The following PCNT variants were observed in gnomAD, a reference collection of about 807,000 sequenced individuals.
PCNT encodes kendrin.
In PCNT, 319 loss-of-function variants were observed where a neutral mutation model predicts 380.4. That is an observed-to-expected ratio of 0.84 (90% CI 0.77 to 0.92). PCNT has a LOEUF of 0.92. Among genes scored for constraint, PCNT ranks in the 40% least tolerant of loss-of-function variants. PCNT has a pLI of 0.00. For missense variants in PCNT, 4,400 were observed against 4,255.3 expected, an observed-to-expected ratio of 1.03 and a Z score of -0.95; for synonymous variants, 1,845 against 1,735.2, an observed-to-expected ratio of 1.06 and a Z score of -1.57.
intron 21 of PCNT, among the ~76,000 whole-genome samples, chr21:46,395,967 C>G (rs1267265421): frequency 5.4e-5 from 8 of 148,268 alleles, no homozygotes; most frequent in Non-Finnish European, 1.0e-4. Context: ...CAGCAGCAGG[C>G]ACTCCATCTC....
At chr21:46,441,120 T>A in intron 43 of PCNT, 36 bp downstream of exon 43, 1 of 1,304,878 alleles carries the variant, frequency 7.7e-7, no homozygotes, top group Non-Finnish European at 1.1e-6. Context: ...GCGTTCCGCG[T>A]CTGTCTCCGT....
At chr21:46,371,058 A>G (rs114668318) in intron 15 of PCNT, among the ~76,000 whole-genome samples, 4 of 151,820 alleles carry the variant, frequency 2.6e-5, no homozygotes, top group African/African-American at 9.7e-5. Context: ...ATGAAAATAA[A>G]AATAATAAAT....
rs191838886 is a variant in PCNT at position 46,357,919 on chromosome 21, C to T, written c.2154+728C>T. ...GAAGAGGCACCCTCTGACTCCCTCG[C>T]CCTTTGCGAGTGTGAGGACACTGCC... On this transcript the variant is annotated intron_variant, in intron 13 of 46. Coordinates refer to ENST00000359568, the MANE Select transcript of PCNT (RefSeq NM_006031.6). 2.5e-4 allele frequency among the ~76,000 whole-genome samples: 38 copies of T among 152,370 alleles called. 1 individual carries two copies. Among genetic ancestry groups the T allele is most frequent in the Admixed American group, 2.3e-3 (35 of 15,310 alleles).
chr21:46,325,207 C>G (rs936800419), intron 1 of PCNT: 2 of 985,022 alleles, frequency 2.0e-6, no homozygotes, highest in African/African-American at 3.5e-5. Flanking sequence ...CCGGCCTCTG[C>G]GAGGTGCGCG....
chr21:46,441,652 A>C (rs1237012020), intron 43 of PCNT, among the ~76,000 whole-genome samples: 1 of 151,948 alleles, frequency 6.6e-6, no homozygotes, highest in Non-Finnish European at 1.5e-5. Context: ...AGCTCCCCTG[A>C]CCGTAGGCCT....
chr21:46,405,002 C>G (rs2086581608), intron 27 of PCNT, among the ~76,000 whole-genome samples: 1 of 152,086 alleles, frequency 6.6e-6, no homozygotes, highest in Non-Finnish European at 1.5e-5. Context: ...AGTTTGGGAA[C>G]CTGAGGTGGG....
intron 15 of PCNT, among the ~76,000 whole-genome samples, chr21:46,370,773 C>T (rs556368503): frequency 9.2e-5 from 14 of 152,270 alleles, no homozygotes; most frequent in African/African-American, 3.4e-4. Flanking sequence ...CGGTGGCTCA[C>T]GCCTGTAATC....
chr21:46,385,542 G>A (rs967002948), intron 16 of PCNT, among the ~76,000 whole-genome samples: 5 of 152,166 alleles, frequency 3.3e-5, no homozygotes, highest in African/African-American at 9.7e-5. Flanking sequence ...AGGAAAAACC[G>A]TATCAATAAT....
intron 32 of PCNT, among the ~76,000 whole-genome samples, chr21:46,423,599 T>C (rs1207835093): frequency 6.7e-6 from 1 of 149,848 alleles, no homozygotes; most frequent in Non-Finnish European, 1.5e-5. Context: ...ATTTGATTAA[T>C]GTTAACTCTT....
At chr21:46,431,403 T>TTA in intron 37 of PCNT, 126 bp from the exon 38 acceptor site, 1 of 1,557,216 alleles carries the variant, frequency 6.4e-7, no homozygotes. Context: ...TACATGTGGC[T>TTA]AATAGGGTGC....
intron 15 of PCNT, among the ~76,000 whole-genome samples, chr21:46,368,974 A>G (rs2085025790): frequency 6.6e-6 from 1 of 152,186 alleles, no homozygotes; most frequent in Non-Finnish European, 1.5e-5. Flanking sequence ...GCGTTGGCTT[A>G]TTGTTTGCTT....
At chr21:46,393,370 T>G (rs1428020484) in intron 21 of PCNT, among the ~76,000 whole-genome samples, 2 of 152,208 alleles carry the variant, frequency 1.3e-5, no homozygotes, top group African/African-American at 4.8e-5. Context: ...CTCAGCATCT[T>G]TGCCCTGGCG....
intron 3 of PCNT, among the ~76,000 whole-genome samples, chr21:46,339,490 A>G (rs2083854351): frequency 6.6e-6 from 1 of 152,230 alleles, no homozygotes; most frequent in African/African-American, 2.4e-5. Context: ...AGCCATCTGC[A>G]GGCTGAGGAG....
rs768535962 is a variant in PCNT at position 46,366,560 on chromosome 21, C to T, written c.2610-24C>T. 8.7e-6 allele frequency: 14 copies of T among 1,602,246 alleles called. No individual in the cohort carries two copies. In the South Asian group the frequency reaches 1.2e-4, roughly 14 times the overall value. On this transcript the variant is annotated intron_variant, in intron 14 of 46. Coordinates refer to ENST00000359568, the MANE Select transcript of PCNT (RefSeq NM_006031.6). ...TGCTTCCTGATGCATGTTTAACTGT[C>T]CTGTGTTCACTTTGTTGCCGCAGGT...
chr21:46,359,277 T>C (rs2084599645), intron 13 of PCNT, among the ~76,000 whole-genome samples: 1 of 140,966 alleles, frequency 7.1e-6, no homozygotes, highest in Non-Finnish European at 1.6e-5. Context: ...GATGCTCATG[T>C]CTTTATGCTT....
Position 46,416,312 on chromosome 21 carries a change from A to G in PCNT, c.6394A>G (p.Asn2132Asp). The change falls in exon 30 of 47, where the codon AAT becomes GAT. Residue 2132 changes from asparagine to aspartate, a missense_variant. Asn to Asp is a conservative substitution (Grantham distance 23, BLOSUM62 1). Transcript: ENST00000359568. ...ISPHIDTCDA[N>D]TATGGVTDVI... ...ACCCCACATAGACACATGTGATGCCAATACAGCCACGGGGGGTGTAACTGA... is the reference window on the plus strand; with the variant it reads ...ACCCCACATAGACACATGTGATGCCGATACAGCCACGGGGGGTGTAACTGA... The G allele has an allele frequency of 1.2e-6, 2 of 1,613,978 alleles. No homozygotes were observed. Among genetic ancestry groups the G allele is most frequent in the Non-Finnish European group, 8.5e-7 (1 of 1,179,912 alleles).
chr21:46,416,391 G>T lies in PCNT; in HGVS notation c.6473G>T (p.Gly2158Val), dbSNP rs371302498. The change falls in exon 30 of 47, where the codon GGT becomes GTT. Residue 2158 changes from glycine (G) to valine (V), a missense_variant. Transcript: ENST00000359568. ...TGTGATGCCAATACAACCCCAGGGG[G>T]TGTAACTGATGTTATCAAAAATTGG... ...DACDANTTPG[G>V]VTDVIKNWDS... 2 of 1,614,156 alleles carry T rather than the reference G, an allele frequency of 1.2e-6. No homozygotes were observed. The highest frequency in any genetic ancestry group is 1.7e-6 in the Non-Finnish European group (2 of 1,180,004).
intron 27 of PCNT, among the ~76,000 whole-genome samples, chr21:46,408,312 T>A (rs1156884015): frequency 1.3e-5 from 2 of 152,228 alleles, no homozygotes; most frequent in Non-Finnish European, 2.9e-5. Context: ...CGAGGGACAT[T>A]TGGATAGTTT....
intron 12 of PCNT, 56 bp from the exon 13 acceptor site, chr21:46,356,918 G>T: frequency 6.8e-7 from 1 of 1,478,788 alleles, no homozygotes; most frequent in Non-Finnish European, 9.5e-7. Flanking sequence ...CGGACTGTGG[G>T]CTCCATCGAG....
Sources: allele counts gnomAD v4.1 joint callset (sites outside exome capture counted in the v4.1 genomes callset), GRCh38; gene constraint gnomAD v4.1.1; transcripts MANE v1.5; gene names NCBI Gene and HGNC (gene_info 2026-07-23, HGNC 2026-07-21).